The following TBC1D12 variants were observed in gnomAD, a reference collection of about 807,000 sequenced individuals.
TBC1D12 encodes TBC1 domain family member 12, also known as TBC1 domain family, member 12.
In TBC1D12, 56 loss-of-function variants were observed where a neutral mutation model predicts 86.7. The observed-to-expected ratio is 0.65, with a 90% CI of 0.52 to 0.81. The LOEUF is 0.81. TBC1D12 is among the 30% of genes least tolerant of loss of function. The pLI, the probability that TBC1D12 is intolerant of heterozygous loss-of-function variation, is 0.00. For missense variants in TBC1D12, 1,023 were observed against 1,038.8 expected, an observed-to-expected ratio of 0.98 and a Z score of 0.21; for synonymous variants, 421 against 411.7, an observed-to-expected ratio of 1.02 and a Z score of -0.27.
intron 3 of TBC1D12, among the ~76,000 whole-genome samples, chr10:94,491,278 G>C (rs1210021830): frequency 6.6e-6 from 1 of 152,210 alleles, no homozygotes; most frequent in African/African-American, 2.4e-5. Flanking sequence ...CAACCTACCA[G>C]ATCAACTGAC....
intron 5 of TBC1D12, among the ~76,000 whole-genome samples, chr10:94,497,597 G>A (rs1193885286): frequency 7.0e-6 from 1 of 142,636 alleles, no homozygotes; most frequent in Non-Finnish European, 1.5e-5. Context: ...TCCGCTCACT[G>A]CAAGCTCCGC....
intron 1 of TBC1D12, among the ~76,000 whole-genome samples, chr10:94,408,264 T>G (rs1405931064): frequency 6.6e-6 from 1 of 152,190 alleles, no homozygotes; most frequent in Non-Finnish European, 1.5e-5. Flanking sequence ...TGGAGATTTT[T>G]TTCCCTTTAT....
chr10:94,415,287 A>G (rs997269454), intron 1 of TBC1D12, among the ~76,000 whole-genome samples: 2 of 152,240 alleles, frequency 1.3e-5, no homozygotes, highest in African/African-American at 2.4e-5. Context: ...TTGTACTTAC[A>G]TAAGCCTTAA....
chr10:94,459,064 TTTTACAGAGAGCTGATTGGTCC>T (rs2055678145), intron 2 of TBC1D12, among the ~76,000 whole-genome samples: 9 of 414 alleles, frequency 0.022, no homozygotes, highest in Admixed American at 0.11. Context: ...GATTGGTCCA[TTTTACAGAGAGCTGATTGGTCC>T]ATTTTACAGA....
At chr10:94,491,068 CAGGTACTTG>C (rs2056239195) in intron 3 of TBC1D12, among the ~76,000 whole-genome samples, 1 of 152,112 alleles carries the variant, frequency 6.6e-6, no homozygotes, top group Non-Finnish European at 1.5e-5. Context: ...CTGGAAATGT[CAGGTACTTG>C]TAGGGTTACC....
At chr10:94,436,506 G>C (rs1298105727) in intron 1 of TBC1D12, among the ~76,000 whole-genome samples, 3 of 152,042 alleles carry the variant, frequency 2.0e-5, no homozygotes, top group African/African-American at 7.2e-5. Context: ...GGTTTCTGAT[G>C]GGAATTGGAT....
chr10:94,406,201 G>A (rs1467191902), intron 1 of TBC1D12, among the ~76,000 whole-genome samples: 1 of 152,138 alleles, frequency 6.6e-6, no homozygotes, highest in Non-Finnish European at 1.5e-5. Context: ...AAGTAGGCAG[G>A]AATTTTGATT....
chr10:94,444,733 CTTTT>C (rs528326665), intron 2 of TBC1D12, among the ~76,000 whole-genome samples: 2 of 138,780 alleles, frequency 1.4e-5, no homozygotes, highest in Non-Finnish European at 1.6e-5. Flanking sequence ...CTCACATTCT[CTTTT>C]TTTTTTTTTT....
intron 2 of TBC1D12, among the ~76,000 whole-genome samples, chr10:94,474,219 G>A (rs903545148): frequency 1.4e-4 from 21 of 151,928 alleles, no homozygotes; most frequent in African/African-American, 5.1e-4. Flanking sequence ...ATCATAGAAG[G>A]CAATTAAGAA....
intron 2 of TBC1D12, among the ~76,000 whole-genome samples, chr10:94,447,235 A>G (rs7073639): frequency 0.44 from 67,170 of 151,514 alleles, 15,251 homozygotes; most frequent in East Asian, 0.79. Context: ...AATTATTTTT[A>G]CATGTATATA....
chr10:94,463,402 A>C (rs2055758438), intron 2 of TBC1D12, among the ~76,000 whole-genome samples: 1 of 152,348 alleles, frequency 6.6e-6, no homozygotes, highest in Non-Finnish European at 1.5e-5. Context: ...GCAGGGCGTC[A>C]TGTGGCAAGG....
chr10:94,474,600 A>G (rs2055958419), intron 2 of TBC1D12, 68 bp from the exon 3 acceptor site: 3 of 1,087,230 alleles, frequency 2.8e-6, no homozygotes, highest in Admixed American at 1.9e-5. Flanking sequence ...ATTTTTAATG[A>G]TACAGATTTA....
At chr10:94,528,783 C>T (rs1296208677) in intron 11 of TBC1D12, among the ~76,000 whole-genome samples, 6 of 149,488 alleles carry the variant, frequency 4.0e-5, no homozygotes. Flanking sequence ...GATCCTGCCA[C>T]TTCACTCTAA....
intron 2 of TBC1D12, 87 bp downstream of exon 2, chr10:94,442,106 AC>A: frequency 1.5e-6 from 2 of 1,317,648 alleles, no homozygotes; most frequent in Non-Finnish European, 2.0e-6. Context: ...TTTTAAACTA[AC>A]CATATTCTAT....
chr10:94,502,107 T>C (rs552780323), intron 6 of TBC1D12, among the ~76,000 whole-genome samples: 2 of 151,642 alleles, frequency 1.3e-5, no homozygotes, highest in African/African-American at 4.8e-5. Context: ...CCAACGCGGG[T>C]GGATCAACTG....
intron 7 of TBC1D12, chr10:94,509,143 C>T (rs191912350): frequency 1.1e-3 from 158 of 138,878 alleles, no homozygotes; most frequent in African/African-American, 4.1e-3. Context: ...CTCACCCTGT[C>T]GCCCAGGCTG....
At chr10:94,512,518 T>A (rs1419845532) in intron 9 of TBC1D12, among the ~76,000 whole-genome samples, 3 of 152,226 alleles carry the variant, frequency 2.0e-5, no homozygotes, top group African/African-American at 7.2e-5. Flanking sequence ...ATTGTGCTCT[T>A]ATGACTATAT....
At chr10:94,403,667 C>CCGGAGA in intron 1 of TBC1D12, 83 bp downstream of exon 1, 1 of 1,385,814 alleles carries the variant, frequency 7.2e-7, no homozygotes. Context: ...GGAGCCGGAG[C>CCGGAGA]CGGAGCCGGA....
intron 2 of TBC1D12, among the ~76,000 whole-genome samples, chr10:94,465,956 A>G (rs988270082): frequency 4.6e-5 from 7 of 151,456 alleles, no homozygotes; most frequent in Non-Finnish European, 7.4e-5. Flanking sequence ...GTATGTATGT[A>G]TATACATGTA....
Sources: gnomAD v4.1 joint callset for allele counts (sites outside exome capture counted in the v4.1 genomes callset) on GRCh38, gnomAD v4.1.1 for gene constraint, MANE v1.5 for transcripts, NCBI Gene and HGNC (gene_info 2026-07-23, HGNC 2026-07-21) for gene names.